The following RNF169 variants were observed in gnomAD, a reference collection of about 807,000 sequenced individuals.
RNF169 encodes ring finger protein 169, also known as E3 ubiquitin-protein ligase RNF169.
In RNF169, 24 loss-of-function variants were observed where a neutral mutation model predicts 53.9. That is an observed-to-expected ratio of 0.45 (90% CI 0.32 to 0.63). The LOEUF (loss-of-function observed/expected upper bound fraction) is 0.63, where lower values mean the gene tolerates loss of function less well. RNF169 is among the 20% of genes least tolerant of loss of function. The pLI is 0.04. For synonymous variants in RNF169, 396 were observed against 363.5 expected (o/e 1.09, Z -1.02); for missense variants, 883 against 906.2 (o/e 0.97, Z 0.33).
chr11:74,762,342 GGTGA>G (rs1390167546), intron 1 of RNF169, among the ~76,000 whole-genome samples: 4 of 145,744 alleles, frequency 2.7e-5, no homozygotes, highest in African/African-American at 1.0e-4. Flanking sequence ...TTCCGTTGCT[GGTGA>G]GGAACTGCGT....
chr11:74,835,104 C>A (rs1171358666), intron 5 of RNF169, among the ~76,000 whole-genome samples: 2 of 152,108 alleles, frequency 1.3e-5, no homozygotes, highest in Non-Finnish European at 2.9e-5. Flanking sequence ...TCACCTCAGC[C>A]TCCCAAGTAG....
At chr11:74,823,738 G>GAAAAAAAAAAAAAAAAAAAAAAAAAA (rs35164191) in intron 4 of RNF169, among the ~76,000 whole-genome samples, 1 of 105,774 alleles carries the variant, frequency 9.5e-6, no homozygotes. Flanking sequence ...CCCTGTCTCA[G>GAAAAAAAAAAAAAAAAAAAAAAAAAA]AAAAAAAAAA....
At chr11:74,766,489 A>T (rs1489502311) in intron 1 of RNF169, among the ~76,000 whole-genome samples, 1 of 152,200 alleles carries the variant, frequency 6.6e-6, no homozygotes, top group Non-Finnish European at 1.5e-5. Flanking sequence ...GGTATTAAAG[A>T]CTTATATTTT....
intron 4 of RNF169, chr11:74,832,347 C>T (rs2036192479): frequency 6.6e-6 from 1 of 150,530 alleles, no homozygotes; most frequent in Non-Finnish European, 1.5e-5. Flanking sequence ...TGTTTCCTCC[C>T]TGGGCCTTTT....
chr11:74,829,751 C>A (rs1287251771), intron 4 of RNF169, among the ~76,000 whole-genome samples: 1 of 152,092 alleles, frequency 6.6e-6, no homozygotes, highest in Non-Finnish European at 1.5e-5. Context: ...GAACAGAAAA[C>A]CAAACATCAC....
intron 1 of RNF169, among the ~76,000 whole-genome samples, chr11:74,776,158 A>G (rs1303831744): frequency 5.3e-5 from 8 of 152,270 alleles, no homozygotes; most frequent in African/African-American, 1.4e-4. Context: ...TATTTTTTGC[A>G]TGAACTTCCA....
chr11:74,769,319 C>T (rs777258004), intron 1 of RNF169, among the ~76,000 whole-genome samples: 6 of 152,046 alleles, frequency 3.9e-5, no homozygotes, highest in Non-Finnish European at 8.8e-5. Flanking sequence ...AGTGATATGC[C>T]ATCAGACTGC....
At chr11:74,819,499 A>T (rs1376950365) in intron 4 of RNF169, among the ~76,000 whole-genome samples, 1 of 152,190 alleles carries the variant, frequency 6.6e-6, no homozygotes, top group Middle Eastern at 3.2e-3. Context: ...CATCTTGTTC[A>T]TCATTATAAT....
At position 74,836,635 on chromosome 11, in the gene RNF169, C is replaced by A. The variant is rs771401645; in HGVS notation, c.2032C>A (p.Arg678Ser). ...EDRQLALQLQ[R>S]MFDNERRTVS... is the part of the protein sequence containing the mutation. ...CCGACAGTTGGCTCTGCAGTTGCAGCGCATGTTCGACAATGAGAGGCGGAC... is the reference window on the plus strand; with the variant it reads ...CCGACAGTTGGCTCTGCAGTTGCAGAGCATGTTCGACAATGAGAGGCGGAC... Residue 678 changes from arginine to serine, a missense_variant, in exon 6 of 6, where the codon CGC (arginine) becomes AGC (serine). Coordinates refer to ENST00000299563, the MANE Select transcript of RNF169 (RefSeq NM_001098638.2). 1.2e-6 allele frequency: 2 copies of A among 1,613,938 alleles called. No homozygotes were observed. The highest frequency in any genetic ancestry group is 2.2e-5 in the East Asian group (1 of 44,878).
At chr11:74,795,770 T>C (rs920356769) in intron 2 of RNF169, among the ~76,000 whole-genome samples, 3 of 152,144 alleles carry the variant, frequency 2.0e-5, no homozygotes, top group Admixed American at 6.5e-5. Context: ...GGCAGGAGGA[T>C]TGCTTGAGCC....
chr11:74,800,236 A>G (rs1266725572), intron 2 of RNF169, among the ~76,000 whole-genome samples: 1 of 152,112 alleles, frequency 6.6e-6, no homozygotes, highest in Non-Finnish European at 1.5e-5. Context: ...TTGTTCCTCT[A>G]AAATTGCAAA....
chr11:74,837,921 G>GA lies in RNF169; in HGVS notation c.*1193dup, dbSNP rs2135158284. The GA allele has an allele frequency of 6.6e-6, 1 of 152,318 alleles. No individual in the cohort carries two copies. The highest frequency in any genetic ancestry group is 6.5e-5 in the Admixed American group (1 of 15,296). The allele number at this position is 152,318 out of a possible 1,614,324, so 9.4% of individuals were successfully genotyped here. On this transcript the variant is annotated 3_prime_UTR_variant, in exon 6 of 6. Transcript: ENST00000299563. ...ATCTGGGCTCATTGAGAATAGGGAT[G>GA]AAGATATGATTTTAGGGAATTTCTG...
rs375503870 is a variant in RNF169 at position 74,770,670 on chromosome 11, A to C, written c.503-18956A>C. 2.8e-4 allele frequency among the ~76,000 whole-genome samples: 43 copies of C among 152,346 alleles called. 1 individual carries two copies. The East Asian group carries it at 4.8e-3, about 17-fold the overall frequency. ...GCCTCTTGGCTAGTGTGTTTTCATT[A>C]GATAAATGACTAGGAAGAACAGAAT... On this transcript the variant is annotated intron_variant, in intron 1 of 5. Transcript: ENST00000299563.
chr11:74,765,391 ATATCT>A (rs1443096470), intron 1 of RNF169, among the ~76,000 whole-genome samples: 7 of 152,264 alleles, frequency 4.6e-5, no homozygotes, highest in South Asian at 4.1e-4. Flanking sequence ...GATATATAAG[ATATCT>A]TATCTGACCG....
chr11:74,760,061 G>T lies in RNF169; in HGVS notation c.502+10679G>T, dbSNP rs1391220820. Among the ~76,000 whole-genome samples, 431 of 150,316 alleles carry T rather than the reference G, an allele frequency of 2.9e-3. 4 individuals carry two copies. Among genetic ancestry groups the T allele is most frequent in the African/African-American group, 1.0e-2 (398 of 39,808 alleles). Reference sequence around the variant, plus strand: ...TGGGAGAGTGTATGTGTCGAGGAATGTATCCATTTCTTCTAGATTTTCTAG... The same window carrying T: ...TGGGAGAGTGTATGTGTCGAGGAATTTATCCATTTCTTCTAGATTTTCTAG... On this transcript the variant is annotated intron_variant, in intron 1 of 5. Coordinates refer to ENST00000299563, the MANE Select transcript of RNF169 (RefSeq NM_001098638.2).
At chr11:74,813,281 C>T (rs865979967) in intron 3 of RNF169, among the ~76,000 whole-genome samples, 3 of 152,154 alleles carry the variant, frequency 2.0e-5, no homozygotes, top group Non-Finnish European at 4.4e-5. Flanking sequence ...GTACCCTGCA[C>T]ATTGGAAGTG....
intron 4 of RNF169, among the ~76,000 whole-genome samples, chr11:74,818,432 G>T (rs770469593): frequency 6.6e-6 from 1 of 151,988 alleles, no homozygotes; most frequent in Non-Finnish European, 1.5e-5. Flanking sequence ...TCACTCTGTT[G>T]TCCAGGCTGG....
Position 74,842,009 on chromosome 11 carries a change from T to G in RNF169, c.*5279T>G. On this transcript the variant is annotated 3_prime_UTR_variant, in exon 6 of 6. Coordinates refer to ENST00000299563, the MANE Select transcript of RNF169 (RefSeq NM_001098638.2). ...AAATTTAAATGCCAACGAATAGTTT[T>G]TTTTTTTTTGAACCTGATACACTGT... The G allele has an allele frequency of 6.6e-6, 1 of 152,236 alleles. No homozygotes were observed. Among genetic ancestry groups the G allele is most frequent in the Non-Finnish European group, 1.5e-5 (1 of 68,046 alleles). 9.4% of individuals were successfully genotyped at this position (152,236 alleles called of 1,614,324 possible).
Position 74,834,686 on chromosome 11 carries a change from T to G in RNF169, c.853T>G (p.Ser285Ala), listed in dbSNP as rs769762776. The change falls in exon 5 of 6, where the codon TCC (serine) becomes GCC (alanine). Residue 285 changes from serine (S) to alanine (A), a missense_variant. Coordinates refer to ENST00000299563, the MANE Select transcript of RNF169 (RefSeq NM_001098638.2). ...SLAFLAGKLN[S>A]KVERSQSCSD... is the part of the protein sequence containing the mutation. The stretch of plus-strand genomic sequence containing the variant: ...TTTATTCTTTTTTAGGAAGCTAAAC[T>G]CCAAGGTGGAAAGGAGTCAGAGCTG... 128 of 1,611,288 alleles carry G rather than the reference T, an allele frequency of 7.9e-5. No individual in the cohort carries two copies. Among genetic ancestry groups the G allele is most frequent in the Non-Finnish European group, 1.0e-4 (119 of 1,179,048 alleles).
Sources: gnomAD v4.1 joint callset for allele counts (sites outside exome capture counted in the v4.1 genomes callset) on GRCh38, gnomAD v4.1.1 for gene constraint, MANE v1.5 for transcripts, NCBI Gene and HGNC (gene_info 2026-07-23, HGNC 2026-07-21) for gene names.